Variants in CUBN observed in about 807,000 individuals in gnomAD.
CUBN encodes the protein cubilin.
CUBN carries 282 observed loss-of-function variants against 405.3 expected under a neutral mutation model. The observed-to-expected ratio is 0.70, with a 90% CI of 0.63 to 0.77. CUBN has a LOEUF of 0.77. Ranked by LOEUF, CUBN falls within the 30% of genes least tolerant of loss-of-function variation. The pLI is 0.00. For synonymous variants in CUBN, 1,684 were observed against 1,617.0 expected (o/e 1.04, Z -0.99); for missense variants, 4,514 against 4,475.2 (o/e 1.01, Z -0.25).
At chr10:16,833,111 ACT>A (rs767574851) in intron 64 of CUBN, among the ~76,000 whole-genome samples, 2 of 152,068 alleles carry the variant, frequency 1.3e-5, no homozygotes, top group Admixed American at 6.5e-5. Flanking sequence ...GCAAACGTTG[ACT>A]CTGATCAATA....
At chr10:16,942,343 A>G (rs1842674685) in intron 36 of CUBN, among the ~76,000 whole-genome samples, 1 of 152,230 alleles carries the variant, frequency 6.6e-6, no homozygotes, top group Admixed American at 6.5e-5. Context: ...ACACATGACC[A>G]AGGTAGTATC....
chr10:16,961,389 G>C (rs1414604307), intron 31 of CUBN, among the ~76,000 whole-genome samples: 2 of 152,036 alleles, frequency 1.3e-5, no homozygotes, highest in East Asian at 3.9e-4. Flanking sequence ...CTGATGCTTC[G>C]ATACCTTGAG....
intron 10 of CUBN, among the ~76,000 whole-genome samples, chr10:17,109,350 G>T (rs1180489334): frequency 1.3e-5 from 2 of 152,180 alleles, no homozygotes; most frequent in African/African-American, 2.4e-5. Context: ...TTCAAAAGAA[G>T]GTGGCATTGC....
At chr10:16,954,578 G>A (rs768673462) in intron 31 of CUBN, 30 bp from the exon 32 acceptor site, 2 of 1,611,280 alleles carry the variant, frequency 1.2e-6, no homozygotes, top group Non-Finnish European at 1.7e-6. Context: ...GCAAACAGTG[G>A]TTCAGATTCA....
intron 39 of CUBN, among the ~76,000 whole-genome samples, chr10:16,935,139 C>T (rs1291032610): frequency 6.6e-6 from 1 of 151,902 alleles, no homozygotes; most frequent in African/African-American, 2.4e-5. Context: ...TTTTTTCTTT[C>T]CCAATCTCTT....
chr10:17,001,742 C>G (rs3847367), intron 28 of CUBN, among the ~76,000 whole-genome samples: 27,936 of 152,084 alleles, frequency 0.18, 3,049 homozygotes, highest in African/African-American at 0.3. Flanking sequence ...TTATTTTTAT[C>G]ATAATATCTT....
chr10:17,075,030 G>A (rs1032284613), intron 17 of CUBN, among the ~76,000 whole-genome samples: 2 of 150,788 alleles, frequency 1.3e-5, no homozygotes, highest in African/African-American at 4.9e-5. Flanking sequence ...AGTTATCTAG[G>A]CCAAGGCAAA....
At chr10:16,861,977 C>A (rs1018490998) in intron 59 of CUBN, among the ~76,000 whole-genome samples, 1 of 151,968 alleles carries the variant, frequency 6.6e-6, no homozygotes, top group African/African-American at 2.4e-5. Context: ...GGTGAAAGCC[C>A]GTCTCCACTA....
intron 48 of CUBN, among the ~76,000 whole-genome samples, chr10:16,910,306 C>A (rs1378232569): frequency 6.6e-6 from 1 of 151,916 alleles, no homozygotes; most frequent in African/African-American, 2.4e-5. Flanking sequence ...CTCTTTTCGG[C>A]AAGTTCTCAA....
chr10:16,970,616 T>C (rs1843524139), intron 31 of CUBN, among the ~76,000 whole-genome samples: 1 of 151,254 alleles, frequency 6.6e-6, no homozygotes, highest in Non-Finnish European at 1.5e-5. Context: ...AGCCTGACCC[T>C]AAATTTATTT....
intron 53 of CUBN, among the ~76,000 whole-genome samples, chr10:16,899,674 G>A (rs568413156): frequency 1.3e-5 from 2 of 152,258 alleles, no homozygotes; most frequent in South Asian, 4.1e-4. Flanking sequence ...GAAACTGACT[G>A]ATGGATCAAA....
intron 27 of CUBN, among the ~76,000 whole-genome samples, chr10:17,029,966 A>G (rs1326382262): frequency 6.6e-6 from 1 of 152,224 alleles, no homozygotes; most frequent in Non-Finnish European, 1.5e-5. Context: ...ACAAAATGCT[A>G]TAGAGCAAGA....
chr10:16,861,545 A>G (rs1840013746), intron 59 of CUBN, among the ~76,000 whole-genome samples: 1 of 152,194 alleles, frequency 6.6e-6, no homozygotes, highest in South Asian at 2.1e-4. Flanking sequence ...AGTATTTTCT[A>G]ATTTAATCAC....
In CUBN at chr10:16,899,032, G is replaced by T; in HGVS notation, c.8562C>A (p.Pro2854=). ...TATTCTGACATTGTCCATCACCGCT[G>T]GGGATTAGGAAGTTGTTGTCAAAGC... is the stretch of plus-strand genomic sequence containing the variant. ...EISFDNNFLI[P]SGDGQCQNSF... The change falls in exon 54 of 67, where the codon CCC becomes CCA. Residue 2854 remains proline (P), a synonymous_variant. Transcript: ENST00000377833. 1 of 1,613,296 alleles carries T rather than the reference G, an allele frequency of 6.2e-7. No individual in the cohort carries two copies. Among genetic ancestry groups the T allele is most frequent in the Non-Finnish European group, 8.5e-7 (1 of 1,179,270 alleles).
intron 29 of CUBN, among the ~76,000 whole-genome samples, chr10:16,986,593 G>A (rs2131706621): frequency 6.6e-6 from 1 of 152,234 alleles, no homozygotes; most frequent in Middle Eastern, 3.4e-3. Flanking sequence ...TTATTAGGAG[G>A]AGCTGATGTT....
At chr10:17,084,503 T>TG (rs778393422) in intron 16 of CUBN, 42 bp from the exon 17 acceptor site, 3 of 1,562,934 alleles carry the variant, frequency 1.9e-6, no homozygotes, top group Non-Finnish European at 2.6e-6. Context: ...GCAATGGCAT[T>TG]GCTCTGGCTT....
chr10:17,067,500 T>G (rs1835635953), intron 21 of CUBN, among the ~76,000 whole-genome samples: 1 of 152,044 alleles, frequency 6.6e-6, no homozygotes, highest in Non-Finnish European at 1.5e-5. Flanking sequence ...TCAAACAGAC[T>G]ATCAAGAGAG....
At chr10:17,083,614 T>G (rs900852308) in intron 17 of CUBN, among the ~76,000 whole-genome samples, 15 of 152,204 alleles carry the variant, frequency 9.9e-5, no homozygotes, top group Admixed American at 7.9e-4. Flanking sequence ...AAGTTCTGTT[T>G]CCTCTGTCTA....
intron 39 of CUBN, among the ~76,000 whole-genome samples, chr10:16,934,463 A>G (rs529723726): frequency 2.6e-5 from 4 of 152,356 alleles, no homozygotes; most frequent in African/African-American, 9.6e-5. Flanking sequence ...TATGTAGGCT[A>G]CAGATTTTTT....
Sources: allele counts gnomAD v4.1 joint callset (sites outside exome capture counted in the v4.1 genomes callset), GRCh38; gene constraint gnomAD v4.1.1; transcripts MANE v1.5; gene names NCBI Gene and HGNC (gene_info 2026-07-23, HGNC 2026-07-21).